Variants in TXNDC15 observed in about 807,000 individuals in gnomAD.
TXNDC15 encodes the protein thioredoxin domain containing 15, also known as thioredoxin domain-containing protein 15.
TXNDC15 carries 24 observed loss-of-function variants against 35.0 expected under a neutral mutation model. That is an observed-to-expected ratio of 0.68 (90% CI 0.50 to 0.96). The LOEUF is 0.96. TXNDC15 is among the 40% of genes least tolerant of loss of function. The pLI, the probability that TXNDC15 is intolerant of heterozygous loss-of-function variation, is 0.00. For synonymous variants in TXNDC15, 169 were observed against 174.0 expected (o/e 0.97, Z 0.23); for missense variants, 385 against 453.3 (o/e 0.85, Z 1.37).
chr5:134,883,641 G>GCTGGCTCA (rs1424265119), intron 1 of TXNDC15, among the ~76,000 whole-genome samples: 1 of 148,924 alleles, frequency 6.7e-6, no homozygotes. Flanking sequence ...CTGGTGGCTC[G>GCTGGCTCA]CTGGCTCACA....
chr5:134,889,334 C>T (rs540385782), intron 2 of TXNDC15, among the ~76,000 whole-genome samples: 3 of 152,322 alleles, frequency 2.0e-5, no homozygotes, highest in African/African-American at 4.8e-5. Flanking sequence ...AAGTGGTTCT[C>T]CTGCCTCAGC....
chr5:134,884,959 G>C (rs1580862046), intron 1 of TXNDC15, among the ~76,000 whole-genome samples: 1 of 129,112 alleles, frequency 7.7e-6, no homozygotes, highest in Non-Finnish European at 1.6e-5. Flanking sequence ...TTTCTCTCTT[G>C]TTGCCCAGGC....
At chr5:134,890,400 T>C (rs1334602700) in intron 2 of TXNDC15, among the ~76,000 whole-genome samples, 4 of 150,730 alleles carry the variant, frequency 2.7e-5, no homozygotes, top group Non-Finnish European at 5.9e-5. Flanking sequence ...TTTTCTCTTC[T>C]CTTTTCTTTT....
At chr5:134,877,220 C>G (rs1404469501) in intron 1 of TXNDC15, among the ~76,000 whole-genome samples, 1 of 152,056 alleles carries the variant, frequency 6.6e-6, no homozygotes, top group Non-Finnish European at 1.5e-5. Flanking sequence ...AAACAGCCCT[C>G]AGGAAGGCTC....
At chr5:134,893,233 A>G (rs1750423180) in intron 2 of TXNDC15, 1 of 396,224 alleles carries the variant, frequency 2.5e-6, no homozygotes, top group Non-Finnish European at 4.5e-6. Context: ...GAAAGCGCAG[A>G]GGAAAGTTTA....
intron 2 of TXNDC15, chr5:134,892,415 T>C (rs1750407473): frequency 6.6e-6 from 1 of 152,220 alleles, no homozygotes; most frequent in Non-Finnish European, 1.5e-5. Context: ...TTTGATCGTC[T>C]ATCTATAGCA....
Position 134,880,500 on chromosome 5 carries a change from T to C in TXNDC15, c.103+5970T>C, listed in dbSNP as rs140359530. On this transcript the variant is annotated intron_variant, in intron 1 of 4. Coordinates refer to ENST00000358387, the MANE Select transcript of TXNDC15 (RefSeq NM_024715.4). ...AGCCCAGGCTGGAGTGCAGTGGCACTATCTCAGGTCACTGCAACCTCCACC... is the reference window on the plus strand; with the variant it reads ...AGCCCAGGCTGGAGTGCAGTGGCACCATCTCAGGTCACTGCAACCTCCACC... 9.8e-3 allele frequency among the ~76,000 whole-genome samples: 1,482 copies of C among 151,816 alleles called. 25 individuals are homozygous for C. Among genetic ancestry groups the C allele is most frequent in the African/African-American group, 0.034 (1,401 of 41,388 alleles).
chr5:134,877,461 C>CT (rs1466312472), intron 1 of TXNDC15, among the ~76,000 whole-genome samples: 3 of 152,098 alleles, frequency 2.0e-5, no homozygotes, highest in African/African-American at 7.2e-5. Context: ...AGGTCAGGGT[C>CT]TGGAGGGGGG....
chr5:134,879,794 CTTT>C (rs57805546), intron 1 of TXNDC15, among the ~76,000 whole-genome samples: 3 of 132,918 alleles, frequency 2.3e-5, no homozygotes, highest in Non-Finnish European at 1.6e-5. Context: ...TCTTACCTGC[CTTT>C]TTTTTTTTTT....
chr5:134,895,529 C>T (rs900323916), intron 3 of TXNDC15, among the ~76,000 whole-genome samples: 6 of 152,164 alleles, frequency 3.9e-5, no homozygotes, highest in African/African-American at 1.4e-4. Flanking sequence ...GACTAAGGCT[C>T]TTGCTGTTAT....
chr5:134,882,846 G>A (rs944005331), intron 1 of TXNDC15, among the ~76,000 whole-genome samples: 1 of 152,272 alleles, frequency 6.6e-6, no homozygotes, highest in African/African-American at 2.4e-5. Flanking sequence ...GGAGGGAGAG[G>A]GGGAGGGGGA....
intron 1 of TXNDC15, among the ~76,000 whole-genome samples, chr5:134,879,195 CA>C (rs1304328675): frequency 6.6e-6 from 1 of 152,068 alleles, no homozygotes; most frequent in African/African-American, 2.4e-5. Flanking sequence ...TTACAATGTG[CA>C]GGGGGATGGA....
chr5:134,879,812 G>A (rs1471595960), intron 1 of TXNDC15, among the ~76,000 whole-genome samples: 1 of 59,942 alleles, frequency 1.7e-5, no homozygotes, highest in Admixed American at 1.9e-4. Flanking sequence ...TTTTTTTTTT[G>A]GATACAGAGC....
Position 134,887,695 on chromosome 5 carries a change from T to C in TXNDC15, c.104T>C (p.Val35Ala), listed in dbSNP as rs1255798727. The change falls in exon 2 of 5, where the codon GTT becomes GCT. Residue 35 changes from valine (V) to alanine (A), a missense_variant and splice_region_variant. By Grantham distance (64) the Val-to-Ala change is moderately conservative. Transcript: ENST00000358387. Reference protein sequence around the residue: ...VLGLPVRGVEVAEESGRLWSE... With the variant: ...VLGLPVRGVEAAEESGRLWSE... ...CTCTGAATGTGCTGGCATGTTTTAG[T>C]TGCAGAGGAAAGTGGTCGCTTATGG... 4 of 1,563,302 alleles carry C rather than the reference T, an allele frequency of 2.6e-6. No individual in the cohort carries two copies. Among genetic ancestry groups the C allele is most frequent in the Non-Finnish European group, 3.5e-6 (4 of 1,152,794 alleles).
intron 2 of TXNDC15, among the ~76,000 whole-genome samples, chr5:134,890,370 TTC>T (rs1750364852): frequency 6.6e-6 from 1 of 150,908 alleles, no homozygotes; most frequent in African/African-American, 2.4e-5. Context: ...TTCTTTTCTT[TTC>T]TCTTTTCTCT....
rs1331191552 is a variant in TXNDC15 at position 134,900,373 on chromosome 5, C to G, written c.*688C>G. On this transcript the variant is annotated 3_prime_UTR_variant, in exon 5 of 5. Coordinates refer to ENST00000358387, the MANE Select transcript of TXNDC15 (RefSeq NM_024715.4). Reference sequence around the variant, plus strand: ...CCTAAGCAGCATGCATTAATTGAACCTTAAAATGTTCCCAGCAGGCTGGGC... The same window carrying G: ...CCTAAGCAGCATGCATTAATTGAACGTTAAAATGTTCCCAGCAGGCTGGGC... 1 of 152,328 alleles carries G rather than the reference C, an allele frequency of 6.6e-6. No individual in the cohort carries two copies. The highest frequency in any genetic ancestry group is 2.4e-5 in the African/African-American group (1 of 41,556). The allele number at this position is 152,328 out of a possible 1,614,324, so 9.4% of individuals were successfully genotyped here.
At chr5:134,874,633 C>T in intron 1 of TXNDC15, 103 bp downstream of exon 1, 1 of 930,638 alleles carries the variant, frequency 1.1e-6, no homozygotes, top group Non-Finnish European at 1.6e-6. Flanking sequence ...GCGACTCGCC[C>T]CTTCTTGGCG....
intron 3 of TXNDC15, among the ~76,000 whole-genome samples, chr5:134,894,458 C>T (rs1433680715): frequency 6.6e-6 from 1 of 151,202 alleles, no homozygotes; most frequent in Non-Finnish European, 1.5e-5. Context: ...ACCTCTGCCT[C>T]CCAGGTTCAA....
intron 2 of TXNDC15, 66 bp downstream of exon 2, chr5:134,888,248 C>A: frequency 2.1e-6 from 3 of 1,410,286 alleles, no homozygotes; most frequent in Non-Finnish European, 2.9e-6. Flanking sequence ...AATACCCTAT[C>A]AACTTTGAAA....
Sources: gnomAD v4.1 joint callset for allele counts (sites outside exome capture counted in the v4.1 genomes callset) on GRCh38, gnomAD v4.1.1 for gene constraint, MANE v1.5 for transcripts, NCBI Gene and HGNC (gene_info 2026-07-23, HGNC 2026-07-21) for gene names.